The following SH2B2 variants were observed in gnomAD, a reference collection of about 807,000 sequenced individuals.
SH2B2 encodes the protein SH2B adaptor protein 2, also known as SH2B adapter protein 2.
Under a neutral mutation model 35.7 loss-of-function variants are expected in SH2B2, and 37 were observed. The ratio of observed to expected loss-of-function variants is 1.04; its 90% CI spans 0.80 to 1.36. The LOEUF (loss-of-function observed/expected upper bound fraction) is 1.36. Among genes scored for constraint, SH2B2 ranks in the 40% most tolerant of loss-of-function variants. The pLI is 0.00. For synonymous variants in SH2B2, 383 were observed against 376.4 expected, an observed-to-expected ratio of 1.02 and a Z score of -0.20; for missense variants, 852 against 817.7, an observed-to-expected ratio of 1.04 and a Z score of -0.51.
At chr7:102,301,300 A>C (rs782254636) in intron 2 of SH2B2, 21 bp downstream of exon 2, 1 of 1,591,434 alleles carries the variant, frequency 6.3e-7, no homozygotes, top group Non-Finnish European at 8.5e-7. Context: ...CCATAATCCC[A>C]CCTAGCCTGG....
chr7:102,317,875 C>T (rs1793915905), intron 7 of SH2B2, among the ~76,000 whole-genome samples: 1 of 152,144 alleles, frequency 6.6e-6, no homozygotes, highest in African/African-American at 2.4e-5. Context: ...CCCTGAGGAA[C>T]ACACACGGGC....
At chr7:102,320,220 A>T (rs1414625794) in intron 7 of SH2B2, 111 bp from the exon 8 acceptor site, 18 of 898,498 alleles carry the variant, frequency 2.0e-5, no homozygotes, top group Non-Finnish European at 3.1e-5. Flanking sequence ...CGGCCCTGAC[A>T]CAGCCCCATA....
upstream of SH2B2, among the ~76,000 whole-genome samples, chr7:102,285,454 G>A (rs1013522184): frequency 6.6e-6 from 1 of 152,198 alleles, no homozygotes; most frequent in Admixed American, 6.5e-5. Flanking sequence ...GCCCACTGCC[G>A]AAGCTTTCAT....
rs1427815295 is a variant in SH2B2, at chr7:102,300,521, G to T, written c.-29-1G>T. Reference sequence around the variant, plus strand: ...TCACTGCGCGCTCTTCTCGCCCGAAGCCGCAGGTGGCTGCGATGGGACGGA... The same window carrying T: ...TCACTGCGCGCTCTTCTCGCCCGAATCCGCAGGTGGCTGCGATGGGACGGA... On this transcript the variant is annotated splice_acceptor_variant, in intron 1 of 8. Coordinates refer to ENST00000444095, the MANE Select transcript of SH2B2 (RefSeq NM_001359228.2). LOFTEE classifies it low-confidence loss of function (5UTR_SPLICE). The T allele has an allele frequency of 6.5e-7, 1 of 1,530,692 alleles. No individual in the cohort carries two copies. Among genetic ancestry groups the T allele is most frequent in the Non-Finnish European group, 8.8e-7 (1 of 1,141,844 alleles). The allele number at this position is 1,530,692 out of a possible 1,614,324, so 94.8% of individuals were successfully genotyped here.
intron 1 of SH2B2, among the ~76,000 whole-genome samples, chr7:102,296,225 G>A (rs145333155): frequency 3.0e-4 from 46 of 152,334 alleles, no homozygotes; most frequent in African/African-American, 9.9e-4. Flanking sequence ...TGGCCCAGAG[G>A]CCTCGCAGAT....
intron 1 of SH2B2, among the ~76,000 whole-genome samples, chr7:102,298,914 CTTT>C (rs1182008499): frequency 2.1e-5 from 2 of 93,390 alleles, no homozygotes; most frequent in African/African-American, 9.0e-5. Flanking sequence ...TCTTTCTTCT[CTTT>C]TTTTTTTTTT....
Position 102,321,609 on chromosome 7 carries a change from GAACCAGTACTCCTTCTAC to G in SH2B2, c.1879_1896del (p.Asn627_Tyr632del). 8.6e-7 allele frequency: 1 copy of G among 1,161,174 alleles called. No individual in the cohort carries two copies. Among genetic ancestry groups the G allele is most frequent in the Non-Finnish European group, 1.1e-6 (1 of 943,010 alleles). The allele number at this position is 1,161,174 out of a possible 1,614,324, so 71.9% of individuals were successfully genotyped here. The stretch of plus-strand genomic sequence containing the variant: ...CGCCCGGCCGCGCGCGCGCCGTGGA[GAACCAGTACTCCTTCTAC>G]TAGCCCGCGGCGCCGCCCGGGTGGG... On this transcript the variant is annotated inframe_deletion, in exon 9 of 9. Coordinates refer to ENST00000444095, the MANE Select transcript of SH2B2 (RefSeq NM_001359228.2).
intron 1 of SH2B2, among the ~76,000 whole-genome samples, chr7:102,289,328 G>A (rs1792582508): frequency 6.6e-6 from 1 of 152,152 alleles, no homozygotes; most frequent in Admixed American, 6.5e-5. Flanking sequence ...GTGGTGTGGT[G>A]GAGGGGCAGG....
rs910978740 is a variant in SH2B2, at chr7:102,314,654, C to T, written c.1158C>T (p.Gly386=). ...TTCTGCAGACCCTGGAATCCCCGGG[C>T]GGCAGCGGCAGTGACAGCAATAACA... ...ETFLQTLESP[G]GSGSDSNNTG... is the part of the protein sequence containing the mutation. The change falls in exon 6 of 9, where the codon GGC becomes GGT. Residue 386 remains glycine (G), a synonymous_variant. Transcript: ENST00000444095. The T allele has an allele frequency of 4.0e-5, 16 of 398,434 alleles. No individual in the cohort carries two copies. The Admixed American group carries it at 5.7e-4, about 14-fold the overall frequency. 24.7% of individuals were successfully genotyped at this position (398,434 alleles called of 1,614,324 possible).
At position 102,306,828 on chromosome 7, in the gene SH2B2, G is replaced by A. The variant is rs782122742; in HGVS notation, c.831+6G>A. 1.3e-6 allele frequency: 2 copies of A among 1,567,680 alleles called. No homozygotes were observed. The highest frequency in any genetic ancestry group is 8.7e-7 in the Non-Finnish European group (1 of 1,155,112). On this transcript the variant is annotated splice_donor_region_variant and intron_variant, in intron 3 of 8. Coordinates refer to ENST00000444095, the MANE Select transcript of SH2B2 (RefSeq NM_001359228.2). Reference sequence around the variant, plus strand: ...ATAACACATTCGTCCTCAAGGTGAGGTCTCACCCCTAACCTCAGAGATCCT... The same window carrying A: ...ATAACACATTCGTCCTCAAGGTGAGATCTCACCCCTAACCTCAGAGATCCT...
chr7:102,301,346 G>T (rs1793183996), intron 2 of SH2B2, 67 bp downstream of exon 2: 1 of 1,510,692 alleles, frequency 6.6e-7, no homozygotes, highest in Non-Finnish European at 8.9e-7. Context: ...GCAGCTGAGG[G>T]TGCCAGGGAC....
intron 1 of SH2B2, among the ~76,000 whole-genome samples, chr7:102,299,109 C>T (rs1793041082): frequency 6.7e-6 from 1 of 148,816 alleles, no homozygotes; most frequent in African/African-American, 2.5e-5. Context: ...CTGTGTTAGC[C>T]AGGATGGTCT....
rs782690995 is a variant in SH2B2 at position 102,317,258 on chromosome 7, G to A, written c.1258G>A (p.Gly420Arg). Residue 420 changes from glycine (G) to arginine (R), a missense_variant, in exon 7 of 9, where the codon GGG becomes AGG. Physicochemically the swap from Gly to Arg is moderately radical, Grantham distance 125 (BLOSUM62 -2). Around this residue, in one of 3 missense-constraint regions of SH2B2, gnomAD observed 556 missense variants for 514.5 expected, o/e 1.08. Transcript: ENST00000444095. The stretch of plus-strand genomic sequence containing the variant: ...GCTATCCGACTACCCATGGTTCCAC[G>A]GGACACTGTCCCGGGTCAAGGCTGC... ...LELSDYPWFH[G>R]TLSRVKAAQL... is the part of the protein sequence containing the mutation. 6.8e-6 allele frequency: 11 copies of A among 1,613,406 alleles called. No individual in the cohort carries two copies. The highest frequency in any genetic ancestry group is 2.2e-5 in the East Asian group (1 of 44,864).
Position 102,301,130 on chromosome 7 carries a change from A to G in SH2B2, c.580A>G (p.Ile194Val). Residue 194 changes from isoleucine (I) to valine (V), a missense_variant, in exon 2 of 9, where the codon ATT (isoleucine) becomes GTT (valine). Coordinates refer to ENST00000444095, the MANE Select transcript of SH2B2 (RefSeq NM_001359228.2). ...TLAAKVELVD[I>V]QREGALRFMV... ...GGCTGCCAAGGTGGAGCTGGTGGAC[A>G]TTCAACGCGAGGGGGCGCTGCGCTT... 7.3e-6 allele frequency: 11 copies of G among 1,504,252 alleles called. No homozygotes were observed. The highest frequency in any genetic ancestry group is 9.7e-6 in the Non-Finnish European group (11 of 1,130,236). 93.2% of individuals were successfully genotyped at this position (1,504,252 alleles called of 1,614,324 possible). A position where few individuals can be genotyped will look rare whatever the true frequency, so the allele number is the denominator to read the frequency against.
intron 2 of SH2B2, among the ~76,000 whole-genome samples, chr7:102,303,364 G>A (rs1168621809): frequency 6.6e-6 from 1 of 152,080 alleles, no homozygotes; most frequent in African/African-American, 2.4e-5. Context: ...CACCCCCAGG[G>A]ACCACCGGGG....
At chr7:102,295,591 G>A (rs1248450841) in intron 1 of SH2B2, among the ~76,000 whole-genome samples, 2 of 152,212 alleles carry the variant, frequency 1.3e-5, no homozygotes, top group Non-Finnish European at 2.9e-5. Flanking sequence ...GTGTCAGATG[G>A]GGAGACAGCC....
At chr7:102,310,231 G>A (rs199919179) in intron 4 of SH2B2, among the ~76,000 whole-genome samples, 1 of 152,250 alleles carries the variant, frequency 6.6e-6, no homozygotes, top group East Asian at 1.9e-4. Flanking sequence ...CAGGAGAATC[G>A]CTTGAACCCG....
At position 102,300,957 on chromosome 7, in the gene SH2B2, C is replaced by T. The variant is rs1554553646; in HGVS notation, c.407C>T (p.Ser136Leu). ...ATKARVRKGF[S>L]LRNMSLCVVD... ...AAGGCCCGCGTTCGCAAGGGCTTCT[C>T]GCTGCGCAACATGAGCCTGTGCGTG... Residue 136 changes from serine (S) to leucine (L), a missense_variant, in exon 2 of 9, where the codon TCG (serine) becomes TTG (leucine). Coordinates refer to ENST00000444095, the MANE Select transcript of SH2B2 (RefSeq NM_001359228.2). 4.0e-6 allele frequency: 6 copies of T among 1,488,448 alleles called. No homozygotes were observed. Among genetic ancestry groups the T allele is most frequent in the East Asian group, 5.3e-5 (2 of 37,458 alleles). 92.2% of individuals were successfully genotyped at this position (1,488,448 alleles called of 1,614,324 possible). A position where few individuals can be genotyped will look rare whatever the true frequency, so the allele number is the denominator to read the frequency against.
Position 102,300,786 on chromosome 7 carries a change from G to C in SH2B2, c.236G>C (p.Arg79Pro), listed in dbSNP as rs1366918506. ...FLDVFGEEVR[R>P]VLVAGPTTRG... ...GACGTCTTCGGCGAGGAGGTGCGCC[G>C]CGTGCTGGTGGCTGGGCCGACGACT... The change falls in exon 2 of 9, where the codon CGC (arginine) becomes CCC (proline). Residue 79 changes from arginine to proline, a missense_variant. Coordinates refer to ENST00000444095, the MANE Select transcript of SH2B2 (RefSeq NM_001359228.2). 1 of 1,514,174 alleles carries C rather than the reference G, an allele frequency of 6.6e-7. No individual in the cohort carries two copies. The highest frequency in any genetic ancestry group is 2.1e-5 in the Admixed American group (1 of 46,656). The allele number at this position is 1,514,174 out of a possible 1,614,324, so 93.8% of individuals were successfully genotyped here.
Sources: allele counts gnomAD v4.1 joint callset (sites outside exome capture counted in the v4.1 genomes callset), GRCh38; gene constraint gnomAD v4.1.1; regional missense constraint gnomAD v4.1.1; transcripts MANE v1.5; gene names NCBI Gene and HGNC (gene_info 2026-07-23, HGNC 2026-07-21).